The following PI16 variants were observed in gnomAD, a reference collection of about 807,000 sequenced individuals.
PI16 encodes PSP94-binding protein.
In PI16, 35 loss-of-function variants were observed where a neutral mutation model predicts 38.0. The observed-to-expected ratio is 0.92, with a 90% CI of 0.70 to 1.22. The LOEUF (loss-of-function observed/expected upper bound fraction) is 1.22. PI16 is among the 50% of genes most tolerant of loss of function. The pLI, the probability that PI16 is intolerant of heterozygous loss-of-function variation, is 0.00. For missense variants in PI16, 572 were observed against 593.8 expected (o/e 0.96, Z 0.38); for synonymous variants, 275 against 252.9 (o/e 1.09, Z -0.83).
At chr6:36,951,554 A>G (rs1286101140), upstream of PI16, among the ~76,000 whole-genome samples, 1 of 152,116 alleles carries the variant, frequency 6.6e-6, no homozygotes, top group East Asian at 1.9e-4. Context: ...ATCGACTTCA[A>G]ATTGTTTTGT....
upstream of PI16, among the ~76,000 whole-genome samples, chr6:36,952,837 T>G (rs1763120776): frequency 1.3e-5 from 2 of 152,228 alleles, no homozygotes; most frequent in Non-Finnish European, 2.9e-5. Flanking sequence ...ATAAAAATAT[T>G]ATGATTTGCA....
Position 36,962,540 on chromosome 6 carries a change from T to G in PI16, c.593-395T>G, listed in dbSNP as rs1156418930. ...CAGGCTAGAGTGCAATGGCTCGATC[T>G]CGGCTCACCTGCAACCTCCGCCTCC... On this transcript the variant is annotated intron_variant, in intron 4 of 6. Transcript: ENST00000373674. This position sits in a 1 kb window ranked among gnomAD's most constrained non-coding sequence, Gnocchi z 4.1. 6.6e-6 allele frequency among the ~76,000 whole-genome samples: 1 copy of G among 152,172 alleles called. No individual in the cohort carries two copies. Among genetic ancestry groups the G allele is most frequent in the Non-Finnish European group, 1.5e-5 (1 of 68,034 alleles).
At chr6:36,954,663 C>A (rs1404830620), upstream of PI16, 7 of 1,502,020 alleles carry the variant, frequency 4.7e-6, no homozygotes, top group Non-Finnish European at 5.3e-6. Context: ...AACACGGCCC[C>A]CACTGCCCCA....
chr6:36,953,480 T>C (rs1358367922), upstream of PI16, among the ~76,000 whole-genome samples: 2 of 152,214 alleles, frequency 1.3e-5, no homozygotes, highest in African/African-American at 4.8e-5. Context: ...TGTGTTAATT[T>C]TGTATCCTGC....
rs778403984 is a variant in PI16 at position 36,961,524 on chromosome 6, C to A, written c.467C>A (p.Thr156Asn). Residue 156 changes from threonine (T) to asparagine (N), a missense_variant, in exon 3 of 7, where the codon ACC (threonine) becomes AAC (asparagine). Physicochemically the swap from Thr to Asn is moderately conservative, Grantham distance 65. Coordinates refer to ENST00000373674, the MANE Select transcript of PI16 (RefSeq NM_153370.3). ...GAGAAGCTCCAGGGTGTTGAGGAGA[C>A]CAACATCGAATTACTGGTGTGCAAC... is the stretch of plus-strand genomic sequence containing the variant. The part of the protein sequence containing the change: ...FCEKLQGVEE[T>N]NIELLVCNYE... The A allele has an allele frequency of 6.8e-6, 11 of 1,614,148 alleles. No homozygotes were observed. The highest frequency in any genetic ancestry group is 5.9e-6 in the Non-Finnish European group (7 of 1,180,024).
At chr6:36,964,278 G>T in intron 6 of PI16, 108 bp from the exon 7 acceptor site, 1 of 216,300 alleles carries the variant, frequency 4.6e-6, no homozygotes, top group South Asian at 1.0e-4. Context: ...CCCAGACAGA[G>T]GATCTCAGGC....
Position 36,962,681 on chromosome 6 carries a change from C to T in PI16, c.593-254C>T, listed in dbSNP as rs997817022. Reference sequence around the variant, plus strand: ...AGAGATGGGGTTTCTCCATGTTGGTCAGGTTGGTCTCGAACTCCTGACCTC... The same window carrying T: ...AGAGATGGGGTTTCTCCATGTTGGTTAGGTTGGTCTCGAACTCCTGACCTC... On this transcript the variant is annotated intron_variant, in intron 4 of 6. Coordinates refer to ENST00000373674, the MANE Select transcript of PI16 (RefSeq NM_153370.3). This position sits in a 1 kb window ranked among gnomAD's most constrained non-coding sequence, Gnocchi z 4.1. Among the ~76,000 whole-genome samples the T allele has an allele frequency of 6.6e-6, 1 of 152,160 alleles. No individual in the cohort carries two copies. Among genetic ancestry groups the T allele is most frequent in the Non-Finnish European group, 1.5e-5 (1 of 68,032 alleles).
chr6:36,963,327 C>G lies in PI16; in HGVS notation c.985C>G (p.Pro329Ala). The change falls in exon 5 of 7, where the codon CCC (proline) becomes GCC (alanine). Residue 329 changes from proline to alanine, a missense_variant. Transcript: ENST00000373674. ...CAAAGTGACAGACAAAACAAAAGTG[C>G]CCTCTAGGAGCCCAGAGAACTCTCT... The part of the protein sequence containing the change: ...ADKVTDKTKV[P>A]SRSPENSLDP... 6.2e-7 allele frequency: 1 copy of G among 1,614,208 alleles called. No individual in the cohort carries two copies. Among genetic ancestry groups the G allele is most frequent in the Non-Finnish European group, 8.5e-7 (1 of 1,180,034 alleles).
chr6:36,962,051 C>CAGT lies in PI16; in HGVS notation c.592+77_592+78insAGT. 5 of 1,296,768 alleles carry CAGT rather than the reference C, an allele frequency of 3.9e-6. No individual in the cohort carries two copies. The highest frequency in any genetic ancestry group is 4.5e-6 in the Non-Finnish European group (4 of 893,870). The allele number at this position is 1,296,768 out of a possible 1,614,324, so 80.3% of individuals were successfully genotyped here. On this transcript the variant is annotated intron_variant, in intron 4 of 6. Transcript: ENST00000373674. This position sits in a 1 kb window ranked among gnomAD's most constrained non-coding sequence, Gnocchi z 4.1. ...GCAGACTGGATGGTCTAAGAGCCTCCCTGGACTGAGCGGGACGTGGGCAGG... is the reference window on the plus strand; with the variant it reads ...GCAGACTGGATGGTCTAAGAGCCTCCAGTCTGGACTGAGCGGGACGTGGGCAGG...
chr6:36,961,992 TG>T lies in PI16; in HGVS notation c.592+21del, dbSNP rs752495678. The stretch of plus-strand genomic sequence containing the variant: ...CCTCTGTGGTGAGTCCACGGGTGGA[TG>T]GGTAGGGGCAGGGGGTGTGGAAATG... On this transcript the variant is annotated intron_variant, in intron 4 of 6. Coordinates refer to ENST00000373674, the MANE Select transcript of PI16 (RefSeq NM_153370.3). 3.1e-6 allele frequency: 5 copies of T among 1,597,868 alleles called. No individual in the cohort carries two copies. The highest frequency in any genetic ancestry group is 4.3e-6 in the Non-Finnish European group (5 of 1,165,574).
At chr6:36,955,152 C>CT (rs1763170406) in intron 1 of PI16, among the ~76,000 whole-genome samples, 1 of 152,072 alleles carries the variant, frequency 6.6e-6, no homozygotes, top group South Asian at 2.1e-4. Flanking sequence ...ATTCACAGGC[C>CT]CCTATAAGCA....
Position 36,959,885 on chromosome 6 carries a change from AT to A in PI16, c.393+521del, listed in dbSNP as rs1312474283. Among the ~76,000 whole-genome samples the A allele has an allele frequency of 1.4e-3, 199 of 141,502 alleles. 1 individual carries two copies. Among genetic ancestry groups the A allele is most frequent in the African/African-American group, 4.9e-3 (191 of 38,740 alleles). The allele number at this position is 141,502 out of a possible 152,430, so 92.8% of individuals were successfully genotyped here. ...CCTGTCTCAAAAAAAAAAAAAAAAA[AT>A]TAAATAAATAAATAAATAAATAAAA... On this transcript the variant is annotated intron_variant, in intron 2 of 6. Transcript: ENST00000373674.
Position 36,963,278 on chromosome 6 carries a change from T to A in PI16, c.936T>A (p.His312Gln). 1 of 1,614,200 alleles carries A rather than the reference T, an allele frequency of 6.2e-7. No individual in the cohort carries two copies. Among genetic ancestry groups the A allele is most frequent in the Non-Finnish European group, 8.5e-7 (1 of 1,180,028 alleles). ...CAGTTACCTTCCCCAAATCGACCCA[T>A]GTTCCTATCCCAAAATCAGCAGACA... ...EEPVTFPKST[H>Q]VPIPKSADKV... The change falls in exon 5 of 7, where the codon CAT (histidine) becomes CAA (glutamine). Residue 312 changes from histidine (H) to glutamine (Q), a missense_variant. Coordinates refer to ENST00000373674, the MANE Select transcript of PI16 (RefSeq NM_153370.3).
Position 36,958,533 on chromosome 6 carries a change from A to C in PI16, c.172-612A>C, listed in dbSNP as rs1173436654. ...CATTCAGTGTCACATAGAGACGCTT[A>C]ATTTTCTTGGAGAAAGGGGGTTGCC... On this transcript the variant is annotated intron_variant, in intron 1 of 6. Transcript: ENST00000373674. Among the ~76,000 whole-genome samples, 5 of 152,196 alleles carry C rather than the reference A, an allele frequency of 3.3e-5. No individual in the cohort carries two copies. In the East Asian group the frequency reaches 5.8e-4, roughly 18 times the overall value.
rs1451240459 is a variant in PI16 at position 36,962,652 on chromosome 6, T to C, written c.593-283T>C. Among the ~76,000 whole-genome samples, 1 of 152,124 alleles carries C rather than the reference T, an allele frequency of 6.6e-6. No homozygotes were observed. Among genetic ancestry groups the C allele is most frequent in the Non-Finnish European group, 1.5e-5 (1 of 68,008 alleles). ...CCACGCCTGGCTAATTTTGTATTTTTAGTAGAGATGGGGTTTCTCCATGTT... is the reference window on the plus strand; with the variant it reads ...CCACGCCTGGCTAATTTTGTATTTTCAGTAGAGATGGGGTTTCTCCATGTT... On this transcript the variant is annotated intron_variant, in intron 4 of 6. Coordinates refer to ENST00000373674, the MANE Select transcript of PI16 (RefSeq NM_153370.3). The surrounding 1 kb of genome is among the most constrained non-coding windows in gnomAD (Gnocchi z 4.1).
In PI16 at chr6:36,963,888, G is replaced by A. The variant is rs371384086; in HGVS notation, c.1336G>A (p.Gly446Ser). The A allele has an allele frequency of 1.2e-5, 19 of 1,613,864 alleles. No homozygotes were observed. The African/African-American group carries it at 2.3e-4, about 19-fold the overall frequency. ...GLNSGPGHVW[G>S]PLLGLLLLPP... Reference sequence around the variant, plus strand: ...GAACTCGGGCCCTGGTCATGTGTGGGGCCCTCTCCTGGGACTACTGCTCCT... The same window carrying A: ...GAACTCGGGCCCTGGTCATGTGTGGAGCCCTCTCCTGGGACTACTGCTCCT... Residue 446 changes from glycine to serine, a missense_variant, in exon 6 of 7, where the codon GGC (glycine) becomes AGC (serine). Transcript: ENST00000373674.
intron 3 of PI16, 62 bp from the exon 4 acceptor site, chr6:36,961,824 G>A: frequency 7.4e-7 from 1 of 1,353,970 alleles, no homozygotes; most frequent in African/African-American, 1.4e-5. Flanking sequence ...GTGTATAGGA[G>A]TTGGGGAGAG....
At chr6:36,953,250 CACTT>C (rs1051918486), upstream of PI16, among the ~76,000 whole-genome samples, 1 of 151,346 alleles carries the variant, frequency 6.6e-6, no homozygotes, top group Non-Finnish European at 1.5e-5. Flanking sequence ...GCAGGAGAAT[CACTT>C]GAACCCAGGA....
chr6:36,959,929 G>GA (rs1763313816), intron 2 of PI16, among the ~76,000 whole-genome samples: 1 of 151,850 alleles, frequency 6.6e-6, no homozygotes, highest in African/African-American at 2.4e-5. Flanking sequence ...GGGACGGTGG[G>GA]ACATGTTAGG....
Sources: gnomAD v4.1 joint callset for allele counts (sites outside exome capture counted in the v4.1 genomes callset) on GRCh38, gnomAD v4.1.1 for gene constraint, Gnocchi (gnomAD v3.1) non-coding constraint, MANE v1.5 for transcripts, NCBI Gene and HGNC (gene_info 2026-07-23, HGNC 2026-07-21) for gene names.